Variants in CACNA1B observed in about 807,000 individuals in gnomAD.
CACNA1B encodes voltage-dependent N-type calcium channel subunit alpha-1B.
CACNA1B carries 70 observed loss-of-function variants against 247.2 expected under a neutral mutation model. The ratio of observed to expected loss-of-function variants is 0.28; its 90% CI spans 0.23 to 0.35. The LOEUF is 0.35. Ranked by LOEUF, CACNA1B falls within the 10% of genes least tolerant of loss-of-function variation. The pLI is 1.00. For missense variants in CACNA1B, 2,367 were observed against 3,197.4 expected (o/e 0.74, Z 6.26); for synonymous variants, 1,231 against 1,294.4 (o/e 0.95, Z 1.05).
chr9:137,897,131 A>G (rs1331019452), intron 3 of CACNA1B, among the ~76,000 whole-genome samples: 3 of 151,850 alleles, frequency 2.0e-5, no homozygotes, highest in Non-Finnish European at 4.4e-5. Flanking sequence ...TTTTTTGCTT[A>G]CTATTTCATT....
intron 19 of CACNA1B, among the ~76,000 whole-genome samples, chr9:138,024,484 C>T (rs927194012): frequency 2.0e-5 from 3 of 152,166 alleles, no homozygotes; most frequent in Admixed American, 2.0e-4. Flanking sequence ...CAGCCCCATC[C>T]CTGCCTTTCG....
intron 38 of CACNA1B, among the ~76,000 whole-genome samples, chr9:138,104,798 C>T (rs756349263): frequency 2.6e-5 from 4 of 152,246 alleles, no homozygotes; most frequent in Admixed American, 6.5e-5. Flanking sequence ...GCTCCTTGCT[C>T]CCCACGCTCA....
rs2133426002 is a variant in CACNA1B, at chr9:138,014,901, G to A, written c.2267+1666G>A. ...AGTCAGGCTGCCTGAAAAGGAGGCTGGACACTCTTCCTTATCTGCTGCCCT... is the reference window on the plus strand; with the variant it reads ...AGTCAGGCTGCCTGAAAAGGAGGCTAGACACTCTTCCTTATCTGCTGCCCT... On this transcript the variant is annotated intron_variant, in intron 18 of 46. Coordinates refer to ENST00000371372, the MANE Select transcript of CACNA1B (RefSeq NM_000718.4). This position sits in a 1 kb window ranked among gnomAD's most constrained non-coding sequence, Gnocchi z 6.2. 6.6e-6 allele frequency among the ~76,000 whole-genome samples: 1 copy of A among 152,130 alleles called. No individual in the cohort carries two copies.
chr9:137,997,189 G>T (rs763300719), intron 15 of CACNA1B, among the ~76,000 whole-genome samples: 2 of 152,182 alleles, frequency 1.3e-5, no homozygotes, highest in Non-Finnish European at 2.9e-5. Flanking sequence ...GGATGGGCAT[G>T]TAGGGCTCAT....
chr9:137,879,151 G>C lies in CACNA1B; in HGVS notation c.382G>C (p.Glu128Gln). ...TGATGGGGACAAAACGCCCATGTCC[G>C]AGCGGCTGGTGAGTGCCCGGCTGGG... ...LPDGDKTPMSERLDDTEPYFI... is the reference protein window; with the variant it reads ...LPDGDKTPMSQRLDDTEPYFI... The change falls in exon 2 of 47, where the codon GAG (glutamate) becomes CAG (glutamine). Residue 128 changes from glutamate to glutamine, a missense_variant. This residue lies in a region of CACNA1B where 130 missense variants were observed against 338.7 expected (regional missense o/e 0.38). Transcript: ENST00000371372. 1 of 1,607,506 alleles carries C rather than the reference G, an allele frequency of 6.2e-7. No individual in the cohort carries two copies. The highest frequency in any genetic ancestry group is 8.5e-7 in the Non-Finnish European group (1 of 1,177,468).
chr9:138,094,442 TA>T (rs753995157), intron 36 of CACNA1B, among the ~76,000 whole-genome samples: 1,045 of 93,650 alleles, frequency 0.011, 15 homozygotes, highest in African/African-American at 0.026. Context: ...TTTACTACAG[TA>T]AAAAAAAAAA....
In CACNA1B at chr9:137,955,654, G is replaced by T. The variant is rs1204287125; in HGVS notation, c.1071-44G>T. On this transcript the variant is annotated intron_variant, in intron 7 of 46. Transcript: ENST00000371372. This position sits in a 1 kb window ranked among gnomAD's most constrained non-coding sequence, Gnocchi z 6.9. The stretch of plus-strand genomic sequence containing the variant: ...GTCTCTGGGGCTGCACACCTGTGGG[G>T]CTTGCACTCACCTGATCTTGCTTTT... 1 of 1,307,578 alleles carries T rather than the reference G, an allele frequency of 7.6e-7. No individual in the cohort carries two copies. The highest frequency in any genetic ancestry group is 1.2e-5 in the South Asian group (1 of 81,346). The allele number at this position is 1,307,578 out of a possible 1,614,324, so 81.0% of individuals were successfully genotyped here. A position where few individuals can be genotyped will look rare whatever the true frequency, so the allele number is the denominator to read the frequency against.
Position 137,952,289 on chromosome 9 carries a change from G to A in CACNA1B, c.982G>A (p.Gly328Ser), listed in dbSNP as rs200880829. 1.9e-6 allele frequency: 3 copies of A among 1,613,548 alleles called. No individual in the cohort carries two copies. Among genetic ancestry groups the A allele is most frequent in the Admixed American group, 1.7e-5 (1 of 59,998 alleles). ...DILYNTNDAA[G>S]NTWNWLYFIP... Reference sequence around the variant, plus strand: ...TTGCTTCCAGACAAACGATGCGGCCGGCAACACCTGGAACTGGCTCTACTT... The same window carrying A: ...TTGCTTCCAGACAAACGATGCGGCCAGCAACACCTGGAACTGGCTCTACTT... The change falls in exon 7 of 47, where the codon GGC (glycine) becomes AGC (serine). Residue 328 changes from glycine to serine, a missense_variant. By Grantham distance (56) the Gly-to-Ser change is moderately conservative. Transcript: ENST00000371372. This position sits in a 1 kb window ranked among gnomAD's most constrained non-coding sequence, Gnocchi z 4.8.
At chr9:137,959,850 G>C (rs1028928179) in intron 10 of CACNA1B, among the ~76,000 whole-genome samples, 5 of 152,122 alleles carry the variant, frequency 3.3e-5, no homozygotes, top group African/African-American at 1.2e-4. Flanking sequence ...CGTCCAGTGG[G>C]GGCATCAAAC....
At chr9:138,089,601 C>T (rs1158039885) in intron 36 of CACNA1B, among the ~76,000 whole-genome samples, 1 of 152,152 alleles carries the variant, frequency 6.6e-6, no homozygotes, top group Non-Finnish European at 1.5e-5. Context: ...AGGATACCCA[C>T]TTTCACAACT....
At chr9:138,033,177 A>G (rs1263401123) in intron 20 of CACNA1B, among the ~76,000 whole-genome samples, 1 of 152,036 alleles carries the variant, frequency 6.6e-6, no homozygotes, top group Non-Finnish European at 1.5e-5. Flanking sequence ...GAGCCCATCT[A>G]TTGATTTTCT....
rs1958667955 is a variant in CACNA1B, at chr9:138,007,499, C to CT, written c.2092+616dup. ...TTCGTGGTATAGGCAAGGGTGAGGG[C>CT]TATGACAGGCAGTGTGAGTGGGTCC... On this transcript the variant is annotated intron_variant, in intron 16 of 46. Transcript: ENST00000371372. This position sits in a 1 kb window ranked among gnomAD's most constrained non-coding sequence, Gnocchi z 4.1. Among the ~76,000 whole-genome samples, 2 of 152,258 alleles carry CT rather than the reference C, an allele frequency of 1.3e-5. No individual in the cohort carries two copies. The highest frequency in any genetic ancestry group is 3.4e-3 in the Middle Eastern group (1 of 294).
chr9:137,942,706 A>G (rs1403676195), intron 6 of CACNA1B, among the ~76,000 whole-genome samples: 1 of 152,254 alleles, frequency 6.6e-6, no homozygotes, highest in Non-Finnish European at 1.5e-5. Context: ...TTCTAAGTGA[A>G]GTAATTCAGG....
intron 1 of CACNA1B, among the ~76,000 whole-genome samples, chr9:137,878,825 G>T (rs1317535914): frequency 1.3e-5 from 2 of 152,166 alleles, no homozygotes; most frequent in East Asian, 1.9e-4. Flanking sequence ...CGGGTGTGCC[G>T]AGGGGCTGGC....
intron 6 of CACNA1B, among the ~76,000 whole-genome samples, chr9:137,923,612 T>C (rs967926325): frequency 6.6e-6 from 1 of 152,052 alleles, no homozygotes; most frequent in South Asian, 2.1e-4. Context: ...ATGAATAGAG[T>C]TGCTGTACAC....
intron 22 of CACNA1B, 45 bp downstream of exon 22, chr9:138,047,078 G>A (rs199523269): frequency 1.2e-5 from 18 of 1,559,544 alleles, no homozygotes; most frequent in Middle Eastern, 1.9e-4. Flanking sequence ...TGTGGCGGGG[G>A]AGCTGGGTGC....
At chr9:137,995,224 A>C (rs28804710) in intron 15 of CACNA1B, among the ~76,000 whole-genome samples, 1,661 of 152,108 alleles carry the variant, frequency 0.011, 10 homozygotes, top group African/African-American at 0.014. Flanking sequence ...AAAAAAAAAA[A>C]AAAACAAAAT....
At chr9:137,969,808 T>C (rs1303843413) in intron 10 of CACNA1B, among the ~76,000 whole-genome samples, 2 of 152,138 alleles carry the variant, frequency 1.3e-5, no homozygotes, top group Admixed American at 1.3e-4. Flanking sequence ...GTGTGTGGGC[T>C]TGTTCTGTGC....
At chr9:138,108,308 C>CA (rs935431476) in intron 39 of CACNA1B, among the ~76,000 whole-genome samples, 3,321 of 43,062 alleles carry the variant, frequency 0.077, 100 homozygotes, top group Non-Finnish European at 0.11. Flanking sequence ...AACCCCATCT[C>CA]AAAAAAAAAA....
Sources: allele counts gnomAD v4.1 joint callset (sites outside exome capture counted in the v4.1 genomes callset), GRCh38; gene constraint gnomAD v4.1.1; regional missense constraint gnomAD v4.1.1; non-coding constraint Gnocchi (gnomAD v3.1); transcripts MANE v1.5; gene names NCBI Gene and HGNC (gene_info 2026-07-23, HGNC 2026-07-21).